ABCA13: variants seen among roughly 807,000 people sequenced by gnomAD.
ABCA13 encodes ATP binding cassette subfamily A member 13.
Under a neutral mutation model 478.7 loss-of-function variants are expected in ABCA13, and 476 were observed. That is an observed-to-expected ratio of 0.99 (90% CI 0.92 to 1.07). The LOEUF (loss-of-function observed/expected upper bound fraction) is 1.07, where lower values mean the gene tolerates loss of function less well. ABCA13 is among the 50% of genes least tolerant of loss of function. The pLI is 0.00. For synonymous variants in ABCA13, 2,252 were observed against 2,158.9 expected (o/e 1.04, Z -1.20); for missense variants, 6,060 against 5,910.6 (o/e 1.03, Z -0.83).
rs375420805 is a variant in ABCA13, at chr7:48,376,440, G to T, written c.11204-1G>T. On this transcript the variant is annotated splice_acceptor_variant, in intron 34 of 61. Transcript: ENST00000435803. LOFTEE classifies it high-confidence loss of function. ...AACTCTGACCTTTTTCTTCCTGCTA[G>T]GGATTCAATGGAATAATATGTACCA... The T allele has an allele frequency of 6.2e-7, 1 of 1,612,812 alleles. No individual in the cohort carries two copies. The highest frequency in any genetic ancestry group is 2.2e-5 in the East Asian group (1 of 44,834).
intron 15 of ABCA13, among the ~76,000 whole-genome samples, chr7:48,264,955 TG>T (rs1486547626): frequency 6.6e-6 from 1 of 151,738 alleles, no homozygotes; most frequent in Non-Finnish European, 1.5e-5. Context: ...TGTTAATTTT[TG>T]TATGTGGTGT....
chr7:48,520,360 T>G, intron 53 of ABCA13, 66 bp downstream of exon 53: 2 of 1,495,618 alleles, frequency 1.3e-6, no homozygotes, highest in Non-Finnish European at 1.8e-6. Flanking sequence ...AGAGAAAAAT[T>G]CATCCTGGAG....
chr7:48,481,358 T>A (rs1424412099), intron 46 of ABCA13, among the ~76,000 whole-genome samples: 1 of 152,228 alleles, frequency 6.6e-6, no homozygotes, highest in African/African-American at 2.4e-5. Flanking sequence ...CTGTTTCTCA[T>A]CCATTTCTAA....
chr7:48,201,127 G>T (rs1798640000), intron 3 of ABCA13, among the ~76,000 whole-genome samples: 1 of 152,228 alleles, frequency 6.6e-6, no homozygotes, highest in South Asian at 2.1e-4. Flanking sequence ...GGGAGGAAGG[G>T]ATGAGGAAAA....
intron 58 of ABCA13, among the ~76,000 whole-genome samples, chr7:48,596,364 G>T (rs967027598): frequency 2.0e-5 from 3 of 152,090 alleles, no homozygotes; most frequent in African/African-American, 7.2e-5. Context: ...ATTTTCTGAA[G>T]TATAATTTAC....
chr7:48,447,666 G>A (rs936111680), intron 42 of ABCA13, among the ~76,000 whole-genome samples: 1 of 152,176 alleles, frequency 6.6e-6, no homozygotes, highest in Non-Finnish European at 1.5e-5. Context: ...GGACCCAGGA[G>A]AGAGAGAAGC....
At position 48,467,059 on chromosome 7, in the gene ABCA13, G is replaced by T. The variant is rs753473670; in HGVS notation, c.12905+14G>T. On this transcript the variant is annotated intron_variant, in intron 44 of 61. Transcript: ENST00000435803. ...AAACCCACGCCAGTAAGTGTCAGGT[G>T]CTCTCTGCAAAAGTGAACACTCCCA... 1 of 1,612,532 alleles carries T rather than the reference G, an allele frequency of 6.2e-7. No homozygotes were observed. Among genetic ancestry groups the T allele is most frequent in the Non-Finnish European group, 8.5e-7 (1 of 1,178,606 alleles).
At chr7:48,243,527 T>C (rs1373311739) in intron 10 of ABCA13, among the ~76,000 whole-genome samples, 1 of 152,182 alleles carries the variant, frequency 6.6e-6, no homozygotes, top group African/African-American at 2.4e-5. Flanking sequence ...TGCTCCGCCT[T>C]GTAGGGTGAT....
chr7:48,248,471 A>G lies in ABCA13; in HGVS notation c.1865+27A>G, dbSNP rs182532284. 5,149 of 1,516,774 alleles carry G rather than the reference A, an allele frequency of 3.4e-3. 270 individuals are homozygous for G. In the Admixed American group the frequency reaches 0.093, roughly 27 times the overall value. 94.0% of individuals were successfully genotyped at this position (1,516,774 alleles called of 1,614,324 possible). A position where few individuals can be genotyped will look rare whatever the true frequency, so the allele number is the denominator to read the frequency against. ...TAAGTACATGTTTGGTGGGAAACTTATAAACAATTGGGACATCAGAATGAT... is the reference window on the plus strand; with the variant it reads ...TAAGTACATGTTTGGTGGGAAACTTGTAAACAATTGGGACATCAGAATGAT... On this transcript the variant is annotated intron_variant, in intron 14 of 61. Coordinates refer to ENST00000435803, the MANE Select transcript of ABCA13 (RefSeq NM_152701.5).
chr7:48,574,437 A>T lies in ABCA13; in HGVS notation c.14355-5787A>T, dbSNP rs758041348. Among the ~76,000 whole-genome samples, 7 of 152,270 alleles carry T rather than the reference A, an allele frequency of 4.6e-5. No homozygotes were observed. In the South Asian group the frequency reaches 1.2e-3, roughly 27 times the overall value. On this transcript the variant is annotated intron_variant, in intron 55 of 61. Transcript: ENST00000435803. Reference sequence around the variant, plus strand: ...ACAGTTTCTGTTATCCCAGCTGGTTATTCCAGGTTTGTTATAAATTTGATA... The same window carrying T: ...ACAGTTTCTGTTATCCCAGCTGGTTTTTCCAGGTTTGTTATAAATTTGATA...
intron 31 of ABCA13, among the ~76,000 whole-genome samples, chr7:48,356,204 C>G (rs1403365273): frequency 6.6e-6 from 1 of 151,746 alleles, no homozygotes; most frequent in Non-Finnish European, 1.5e-5. Context: ...GACAGATAAT[C>G]GACCATTGGA....
At chr7:48,562,874 C>T (rs1383538461) in intron 55 of ABCA13, among the ~76,000 whole-genome samples, 1 of 151,918 alleles carries the variant, frequency 6.6e-6, no homozygotes, top group Non-Finnish European at 1.5e-5. Flanking sequence ...TGGTATCATC[C>T]TCTGTAATGA....
chr7:48,273,365 T>C lies in ABCA13; in HGVS notation c.3699T>C (p.Asp1233=), dbSNP rs1330352777. 1.2e-6 allele frequency: 2 copies of C among 1,613,532 alleles called. No individual in the cohort carries two copies. Among genetic ancestry groups the C allele is most frequent in the Non-Finnish European group, 1.7e-6 (2 of 1,179,746 alleles). The change falls in exon 17 of 62, where the codon GAT becomes GAC. Residue 1233 remains aspartate, a synonymous_variant. Coordinates refer to ENST00000435803, the MANE Select transcript of ABCA13 (RefSeq NM_152701.5). ...GGGAGGACTTCCTGGATCTCAGGGATTTTTTGGTAGCTTTAGGTAATGCAT... is the reference window on the plus strand; with the variant it reads ...GGGAGGACTTCCTGGATCTCAGGGACTTTTTGGTAGCTTTAGGTAATGCAT... ...HNWEDFLDLR[D]FLVALGNALV...
chr7:48,504,645 C>G (rs1831046707), intron 48 of ABCA13, among the ~76,000 whole-genome samples: 1 of 152,156 alleles, frequency 6.6e-6, no homozygotes, highest in South Asian at 2.1e-4. Context: ...TCTCTGGATC[C>G]TCTTAATCCA....
Position 48,193,057 on chromosome 7 carries a change from G to C in ABCA13, c.163+5G>C. On this transcript the variant is annotated splice_donor_5th_base_variant and intron_variant, in intron 2 of 61. Transcript: ENST00000435803. ...CTCCCAGATACAGAGACATTTGTAA[G>C]TTTCACTTTTTAATATACTTTTTGA... 6.6e-7 allele frequency: 1 copy of C among 1,522,122 alleles called. No homozygotes were observed. The highest frequency in any genetic ancestry group is 8.8e-7 in the Non-Finnish European group (1 of 1,139,744). 94.3% of individuals were successfully genotyped at this position (1,522,122 alleles called of 1,614,324 possible).
In ABCA13 at chr7:48,580,346, G is replaced by A. The variant is rs771175690; in HGVS notation, c.14477G>A (p.Arg4826His). 6.2e-6 allele frequency: 10 copies of A among 1,612,748 alleles called. 1 individual carries two copies. Among genetic ancestry groups the A allele is most frequent in the African/African-American group, 2.7e-5 (2 of 74,882 alleles). ...CATCTCTATTATTACTGTAGCTTAC[G>A]CGGGATTCCAAGGCAGTGCATCCCT... Reference protein sequence around the residue: ...WEHLYYYCSLRGIPRQCIPEV... With the variant: ...WEHLYYYCSLHGIPRQCIPEV... The change falls in exon 56 of 62, where the codon CGC becomes CAC. Residue 4826 changes from arginine (R) to histidine (H), a missense_variant. Transcript: ENST00000435803.
At chr7:48,205,712 ATAGCTTTAT>A (rs1784838994) in intron 3 of ABCA13, among the ~76,000 whole-genome samples, 3 of 152,218 alleles carry the variant, frequency 2.0e-5, no homozygotes, top group Non-Finnish European at 4.4e-5. Flanking sequence ...GTCTTTCAAC[ATAGCTTTAT>A]AGTATTTTTT....
In ABCA13 at chr7:48,350,672, G is replaced by A. The variant is rs748270878; in HGVS notation, c.10234G>A (p.Ala3412Thr). The change falls in exon 30 of 62, where the codon GCA becomes ACA. Residue 3412 changes from alanine (A) to threonine (T), a missense_variant. Physicochemically the swap from Ala to Thr is moderately conservative, Grantham distance 58. Transcript: ENST00000435803. The stretch of plus-strand genomic sequence containing the variant: ...GCTGCTGGATGAGATGTTTAACCAT[G>A]CAGGCGCTGGACGCTTCCGTTTCTT... Reference protein sequence around the residue: ...GGLLDEMFNHAGAGRFRFLGS... With the variant: ...GGLLDEMFNHTGAGRFRFLGS... 3.5e-5 allele frequency: 56 copies of A among 1,613,656 alleles called. No individual in the cohort carries two copies. Among genetic ancestry groups the A allele is most frequent in the Non-Finnish European group, 4.4e-5 (52 of 1,179,782 alleles).
chr7:48,368,760 TAC>T (rs1157748114), intron 32 of ABCA13, among the ~76,000 whole-genome samples: 1 of 126,004 alleles, frequency 7.9e-6, no homozygotes, highest in Non-Finnish European at 1.7e-5. Context: ...TATATATATA[TAC>T]ACACATATAC....
Sources: allele counts gnomAD v4.1 joint callset (sites outside exome capture counted in the v4.1 genomes callset), GRCh38; gene constraint gnomAD v4.1.1; transcripts MANE v1.5; gene names NCBI Gene and HGNC (gene_info 2026-07-23, HGNC 2026-07-21).